The following MAN1A2 variants were observed in gnomAD, a reference collection of about 807,000 sequenced individuals.
MAN1A2 encodes mannosyl-oligosaccharide 1,2-alpha-mannosidase IB.
A neutral mutation model predicts 75.7 loss-of-function variants in MAN1A2; 26 were observed. The observed-to-expected ratio is 0.34, with a 90% CI of 0.25 to 0.48. MAN1A2 has a LOEUF of 0.48. MAN1A2 is among the 20% of genes least tolerant of loss of function. MAN1A2 has a pLI of 0.99. For synonymous variants in MAN1A2, 247 were observed against 264.6 expected, an observed-to-expected ratio of 0.93 and a Z score of 0.65; for missense variants, 562 against 775.5, an observed-to-expected ratio of 0.72 and a Z score of 3.27.
chr1:117,429,680 T>C (rs1180986586), intron 5 of MAN1A2, among the ~76,000 whole-genome samples: 14 of 70,822 alleles, frequency 2.0e-4, no homozygotes, highest in African/African-American at 5.2e-4. Flanking sequence ...CCTCACCTCC[T>C]GGACGGGGTG....
At chr1:117,383,078 A>G (rs1006738919) in intron 1 of MAN1A2, among the ~76,000 whole-genome samples, 1 of 152,186 alleles carries the variant, frequency 6.6e-6, no homozygotes, top group Non-Finnish European at 1.5e-5. Flanking sequence ...TTCAAATAGT[A>G]GTGGTGAAAG....
intron 6 of MAN1A2, among the ~76,000 whole-genome samples, chr1:117,458,260 G>A (rs1049519443): frequency 1.3e-5 from 2 of 151,588 alleles, no homozygotes; most frequent in African/African-American, 2.4e-5. Flanking sequence ...ACTGTCTTAT[G>A]TAGTTACTAT....
At chr1:117,476,482 T>TGTCTTCTAG (rs1240498592) in intron 8 of MAN1A2, among the ~76,000 whole-genome samples, 1 of 152,164 alleles carries the variant, frequency 6.6e-6, no homozygotes, top group Admixed American at 6.6e-5. Flanking sequence ...AGGGTTTTTA[T>TGTCTTCTAG]GGTTTTAGGT....
chr1:117,396,847 C>CAAAAAAAA (rs1653917864), intron 1 of MAN1A2, among the ~76,000 whole-genome samples: 3 of 150,600 alleles, frequency 2.0e-5, no homozygotes, highest in Admixed American at 6.6e-5. Flanking sequence ...AAGTACTTAG[C>CAAAAAAAA]AAAAAAGGGT....
chr1:117,383,710 A>G (rs761524137), intron 1 of MAN1A2, among the ~76,000 whole-genome samples: 2 of 152,018 alleles, frequency 1.3e-5, no homozygotes, highest in Admixed American at 6.6e-5. Flanking sequence ...TAGATTATCT[A>G]ATTTTTTGGT....
chr1:117,382,463 C>T (rs559796787), intron 1 of MAN1A2, among the ~76,000 whole-genome samples: 94 of 152,272 alleles, frequency 6.2e-4, no homozygotes, highest in African/African-American at 2.2e-3. Flanking sequence ...TCTTGTTTTT[C>T]TCAGGTTTGT....
At chr1:117,495,317 C>T (rs988678422) in intron 9 of MAN1A2, among the ~76,000 whole-genome samples, 4 of 151,624 alleles carry the variant, frequency 2.6e-5, no homozygotes, top group Non-Finnish European at 1.5e-5. Context: ...GAGACATGAT[C>T]TCAAGTATGC....
chr1:117,499,639 T>C, intron 11 of MAN1A2, 85 bp downstream of exon 11: 1 of 1,057,610 alleles, frequency 9.5e-7, no homozygotes, highest in East Asian at 2.8e-5. Flanking sequence ...CCATGTTACC[T>C]CATTTTTAGT....
At chr1:117,451,686 T>G (rs1234224389) in intron 6 of MAN1A2, among the ~76,000 whole-genome samples, 1 of 152,346 alleles carries the variant, frequency 6.6e-6, no homozygotes, top group East Asian at 1.9e-4. Flanking sequence ...ACAAGCTCTT[T>G]TCTCTTGTCT....
Position 117,525,061 on chromosome 1 carries a change from GA to G in MAN1A2, c.*2105del, listed in dbSNP as rs1402949586. The G allele has an allele frequency of 1.9e-6, 1 of 513,128 alleles. No homozygotes were observed. The highest frequency in any genetic ancestry group is 2.1e-5 in the Admixed American group (1 of 48,712). The allele number at this position is 513,128 out of a possible 1,614,324, so 31.8% of individuals were successfully genotyped here. ...CTTTTACCTTATTTAGAAGAATGCA[GA>G]GTAAAGGGACCTTCTTGGTTCTGCA... On this transcript the variant is annotated 3_prime_UTR_variant, in exon 13 of 13. Coordinates refer to ENST00000356554, the MANE Select transcript of MAN1A2 (RefSeq NM_006699.5).
intron 3 of MAN1A2, among the ~76,000 whole-genome samples, chr1:117,409,581 C>T (rs919925299): frequency 6.6e-6 from 1 of 151,858 alleles, no homozygotes; most frequent in African/African-American, 2.4e-5. Flanking sequence ...CAGTTAGATC[C>T]CATTGGTTAA....
At chr1:117,469,144 G>A (rs567226967) in intron 8 of MAN1A2, among the ~76,000 whole-genome samples, 36 of 152,184 alleles carry the variant, frequency 2.4e-4, no homozygotes, top group African/African-American at 7.7e-4. Flanking sequence ...CTGCACTCCA[G>A]CCTGGGTGAC....
intron 1 of MAN1A2, among the ~76,000 whole-genome samples, chr1:117,399,354 A>G (rs968068788): frequency 2.6e-5 from 4 of 152,210 alleles, no homozygotes; most frequent in Non-Finnish European, 5.9e-5. Context: ...TGGTACGTGG[A>G]GATAGAAATG....
At chr1:117,471,476 TAATC>T (rs894528394) in intron 8 of MAN1A2, among the ~76,000 whole-genome samples, 1 of 151,924 alleles carries the variant, frequency 6.6e-6, no homozygotes, top group Non-Finnish European at 1.5e-5. Flanking sequence ...TATAATATGT[TAATC>T]AATTTCTGAA....
rs1651999132 is a variant in MAN1A2, at chr1:117,525,783, G to A, written c.*2826G>A. 1 of 151,602 alleles carries A rather than the reference G, an allele frequency of 6.6e-6. No homozygotes were observed. Among genetic ancestry groups the A allele is most frequent in the Non-Finnish European group, 1.5e-5 (1 of 67,756 alleles). The allele number at this position is 151,602 out of a possible 1,614,324, so 9.4% of individuals were successfully genotyped here. ...CAGTATTAAGTTGTTAAAACCAAGG[G>A]AATGGGGCCCTAACCAAAAAGAAGT... On this transcript the variant is annotated 3_prime_UTR_variant, in exon 13 of 13. Transcript: ENST00000356554.
intron 11 of MAN1A2, among the ~76,000 whole-genome samples, chr1:117,500,543 C>T (rs768540388): frequency 6.6e-6 from 1 of 151,672 alleles, no homozygotes; most frequent in Non-Finnish European, 1.5e-5. Context: ...TTTGGGAGAC[C>T]ACAGCCATAA....
intron 12 of MAN1A2, among the ~76,000 whole-genome samples, chr1:117,517,796 A>G (rs1233137213): frequency 1.3e-5 from 2 of 152,020 alleles, no homozygotes; most frequent in East Asian, 3.9e-4. Flanking sequence ...CACAGGTCCA[A>G]GAAGCTAAAC....
chr1:117,467,062 G>A (rs1650003747), intron 8 of MAN1A2, among the ~76,000 whole-genome samples: 1 of 152,056 alleles, frequency 6.6e-6, no homozygotes, highest in African/African-American at 2.4e-5. Context: ...TTTAGGGAGA[G>A]GGTAATTTTT....
At chr1:117,451,543 C>G (rs932365312) in intron 6 of MAN1A2, among the ~76,000 whole-genome samples, 2 of 152,134 alleles carry the variant, frequency 1.3e-5, no homozygotes, top group Non-Finnish European at 2.9e-5. Context: ...GGCTGTGTCC[C>G]CACCCAAATC....
Sources: allele counts gnomAD v4.1 joint callset (sites outside exome capture counted in the v4.1 genomes callset), GRCh38; gene constraint gnomAD v4.1.1; transcripts MANE v1.5; gene names NCBI Gene and HGNC (gene_info 2026-07-23, HGNC 2026-07-21).